The following RAD51B variants were observed in gnomAD, a reference collection of about 807,000 sequenced individuals.
RAD51B encodes RAD51 paralog B, also known as DNA repair protein RAD51 homolog 2.
Under a neutral mutation model 42.2 loss-of-function variants are expected in RAD51B, and 38 were observed. The ratio of observed to expected loss-of-function variants is 0.90; its 90% CI spans 0.70 to 1.18. The LOEUF (loss-of-function observed/expected upper bound fraction) is 1.18, where lower values mean the gene tolerates loss of function less well. RAD51B is among the 50% of genes most tolerant of loss of function. The pLI is 0.00. For synonymous variants in RAD51B, 154 were observed against 145.2 expected (o/e 1.06, Z -0.43); for missense variants, 373 against 400.7 (o/e 0.93, Z 0.59).
intron 8 of RAD51B, among the ~76,000 whole-genome samples, chr14:68,388,684 C>CA (rs2083664614): frequency 6.6e-6 from 1 of 152,158 alleles, no homozygotes; most frequent in South Asian, 2.1e-4. Context: ...GGTCTTACAT[C>CA]AGGCGGTGAG....
At chr14:67,961,978 G>A (rs1242810909) in intron 7 of RAD51B, among the ~76,000 whole-genome samples, 2 of 152,036 alleles carry the variant, frequency 1.3e-5, no homozygotes, top group African/African-American at 4.8e-5. Context: ...ACACATACAT[G>A]TACCTACAAA....
intron 8 of RAD51B, among the ~76,000 whole-genome samples, chr14:68,335,300 AAAAAAAAAAAAAAG>A (rs1332897129): frequency 3.8e-5 from 5 of 131,136 alleles, no homozygotes; most frequent in Non-Finnish European, 8.3e-5. Flanking sequence ...CTGTGTCAAA[AAAAAAAAAAAAAAG>A]AAAAGAAAAA....
intron 5 of RAD51B, among the ~76,000 whole-genome samples, chr14:67,867,302 G>A (rs947830767): frequency 2.0e-5 from 3 of 152,172 alleles, no homozygotes; most frequent in African/African-American, 4.8e-5. Flanking sequence ...AGTATCCAAA[G>A]AACAGTAGCT....
exon 11 of RAD51B, chr14:68,594,887 A>C: frequency 9.1e-7 from 1 of 1,101,962 alleles, no homozygotes; most frequent in Non-Finnish European, 1.1e-6. Flanking sequence ...TCCACCATGG[A>C]GTACATTTTC....
chr14:68,532,575 A>G (rs1887378428), intron 10 of RAD51B, among the ~76,000 whole-genome samples: 1 of 152,216 alleles, frequency 6.6e-6, no homozygotes, highest in African/African-American at 2.4e-5. Flanking sequence ...CCATGTAGGA[A>G]ATGACTTGCT....
chr14:68,025,107 A>AT (rs1368505945), intron 7 of RAD51B, among the ~76,000 whole-genome samples: 2 of 150,602 alleles, frequency 1.3e-5, no homozygotes, highest in Non-Finnish European at 3.0e-5. Context: ...TTATGATCAT[A>AT]TTTTTTGCTT....
At chr14:68,075,947 C>T (rs2076826946) in intron 7 of RAD51B, among the ~76,000 whole-genome samples, 1 of 152,252 alleles carries the variant, frequency 6.6e-6, no homozygotes, top group Admixed American at 6.5e-5. Context: ...ATGTCCTCTC[C>T]TGAGAGATGC....
At position 67,887,080 on chromosome 14, in the gene RAD51B, C is replaced by A. The variant is rs372664423; in HGVS notation, c.632C>A (p.Ser211Tyr). 12 of 1,579,000 alleles carry A rather than the reference C, an allele frequency of 7.6e-6. No individual in the cohort carries two copies. Among genetic ancestry groups the A allele is most frequent in the African/African-American group, 5.4e-5 (4 of 74,000 alleles). ...SKGIKLVILD[S>Y]VASVVRKEFD... is the part of the protein sequence containing the mutation. The stretch of plus-strand genomic sequence containing the variant: ...GGAATTAAACTTGTGATTCTTGACT[C>A]TGTTGCTTCTGTGGTCAGAAAGGAG... Residue 211 changes from serine to tyrosine, a missense_variant, in exon 7 of 11, where the codon TCT (serine) becomes TAT (tyrosine). Ser to Tyr is a moderately radical substitution (Grantham distance 144). Transcript: ENST00000471583.
chr14:68,095,893 G>C (rs180736693), intron 7 of RAD51B, among the ~76,000 whole-genome samples: 1 of 148,980 alleles, frequency 6.7e-6, no homozygotes, highest in East Asian at 2.0e-4. Flanking sequence ...GGAGAATGGC[G>C]TGAACCAGGG....
At chr14:68,026,757 C>T (rs1433208242) in intron 7 of RAD51B, among the ~76,000 whole-genome samples, 1 of 152,014 alleles carries the variant, frequency 6.6e-6, no homozygotes, top group Non-Finnish European at 1.5e-5. Flanking sequence ...AAATGAATCT[C>T]TTAACAGCAG....
chr14:68,293,784 A>G (rs985138737), intron 8 of RAD51B, among the ~76,000 whole-genome samples: 95 of 152,322 alleles, frequency 6.2e-4, no homozygotes, highest in Non-Finnish European at 1.2e-3. Context: ...TAGAAAATTA[A>G]TTTAACTTTT....
Position 68,457,970 on chromosome 14 carries a change from A to C in RAD51B, c.958-10202A>C, listed in dbSNP as rs530319287. On this transcript the variant is annotated intron_variant, in intron 9 of 10. Transcript: ENST00000471583. ...AAAGTTCACTGAAAAAAAAAAAAAAACCAACATGGTTTTTAAATTGTGTTA... is the reference window on the plus strand; with the variant it reads ...AAAGTTCACTGAAAAAAAAAAAAAACCCAACATGGTTTTTAAATTGTGTTA... Among the ~76,000 whole-genome samples the C allele has an allele frequency of 2.2e-3, 333 of 151,504 alleles. 1 individual carries two copies. Among genetic ancestry groups the C allele is most frequent in the Non-Finnish European group, 3.7e-3 (253 of 67,850 alleles).
Position 68,051,874 on chromosome 14 carries a change from A to G in RAD51B, c.756+164670A>G, listed in dbSNP as rs568821981. 3.4e-3 allele frequency among the ~76,000 whole-genome samples: 510 copies of G among 148,848 alleles called. 5 individuals are homozygous for G. Among genetic ancestry groups the G allele is most frequent in the African/African-American group, 0.012 (475 of 40,730 alleles). ...CATACGCATATATATCCTCCCACAT[A>G]TGTGTGTGTGTGTGTGTGTGTGTGT... is the stretch of plus-strand genomic sequence containing the variant. On this transcript the variant is annotated intron_variant, in intron 7 of 10. Transcript: ENST00000471583.
intron 4 of RAD51B, among the ~76,000 whole-genome samples, chr14:67,848,674 G>A (rs185731250): frequency 6.6e-6 from 1 of 152,272 alleles, no homozygotes; most frequent in Non-Finnish European, 1.5e-5. Context: ...TTACTTTATA[G>A]TGTCTGTGGG....
intron 8 of RAD51B, among the ~76,000 whole-genome samples, chr14:68,379,125 C>G (rs886967806): frequency 6.6e-6 from 1 of 152,136 alleles, no homozygotes; most frequent in South Asian, 2.1e-4. Context: ...TATTGCCAGG[C>G]CTTGCTCAGT....
chr14:68,105,844 C>A (rs1001159319), intron 7 of RAD51B, among the ~76,000 whole-genome samples: 1 of 151,950 alleles, frequency 6.6e-6, no homozygotes, highest in African/African-American at 2.4e-5. Flanking sequence ...ATATTAGTGA[C>A]AGGATTATAT....
chr14:68,095,568 G>T (rs1163845860), intron 7 of RAD51B, among the ~76,000 whole-genome samples: 1 of 151,692 alleles, frequency 6.6e-6, no homozygotes, highest in African/African-American at 2.4e-5. Flanking sequence ...TAGTTCCCTT[G>T]GTATCTGCCC....
At chr14:68,645,329 C>T (rs1362394616) in intron 10 of RAD51B, among the ~76,000 whole-genome samples, 1 of 152,114 alleles carries the variant, frequency 6.6e-6, no homozygotes, top group Non-Finnish European at 1.5e-5. Context: ...ACCAGAATTT[C>T]CTTCATTTTT....
chr14:68,038,456 T>C (rs754371300), intron 7 of RAD51B, among the ~76,000 whole-genome samples: 1 of 152,168 alleles, frequency 6.6e-6, no homozygotes, highest in Non-Finnish European at 1.5e-5. Context: ...TCCCTCAAGA[T>C]GCAGTGGTGC....
Sources: allele counts gnomAD v4.1 joint callset (sites outside exome capture counted in the v4.1 genomes callset), GRCh38; gene constraint gnomAD v4.1.1; transcripts MANE v1.5; gene names NCBI Gene and HGNC (gene_info 2026-07-23, HGNC 2026-07-21).